GNG2: variants seen among roughly 807,000 people sequenced by gnomAD.
GNG2 encodes the protein guanine nucleotide-binding protein G(I)/G(S)/G(O) subunit gamma-2.
Under a neutral mutation model 5.5 loss-of-function variants are expected in GNG2, and 5 were observed. The ratio of observed to expected loss-of-function variants is 0.91; its 90% confidence interval spans 0.48 to 1.92. The LOEUF (loss-of-function observed/expected upper bound fraction) is 1.92. Ranked by LOEUF, GNG2 falls within the 30% of genes most tolerant of loss-of-function variation. The pLI is 0.01. For missense variants in GNG2, 55 were observed against 88.4 expected (o/e 0.62, Z 1.52); for synonymous variants, 28 against 32.0 (o/e 0.88, Z 0.42).
intron 1 of GNG2, among the ~76,000 whole-genome samples, chr14:51,827,047 G>A (rs1265447921): frequency 6.6e-6 from 1 of 152,162 alleles, no homozygotes; most frequent in African/African-American, 2.4e-5. Flanking sequence ...CACCCTTCAA[G>A]GTGGGCAGGT....
At chr14:51,942,469 C>T (rs1022810685) in intron 2 of GNG2, among the ~76,000 whole-genome samples, 2 of 152,068 alleles carry the variant, frequency 1.3e-5, no homozygotes, top group Non-Finnish European at 2.9e-5. Flanking sequence ...AGAGGCAGTA[C>T]CTTCCTGGTT....
intron 2 of GNG2, among the ~76,000 whole-genome samples, chr14:51,926,198 G>A (rs928540327): frequency 6.6e-6 from 1 of 151,838 alleles, no homozygotes; most frequent in South Asian, 2.1e-4. Flanking sequence ...TCTGTCTTCC[G>A]AAGTCTTCTG....
At chr14:51,945,632 T>C (rs914178867) in intron 2 of GNG2, among the ~76,000 whole-genome samples, 3 of 152,224 alleles carry the variant, frequency 2.0e-5, no homozygotes, top group Admixed American at 6.5e-5. Context: ...ACAGTATACG[T>C]GTATTTAATA....
intron 2 of GNG2, among the ~76,000 whole-genome samples, chr14:51,917,811 A>G (rs1451373182): frequency 1.3e-5 from 2 of 152,114 alleles, no homozygotes; most frequent in African/African-American, 2.4e-5. Context: ...TGGGCGGATC[A>G]CCTGAGGGGT....
At chr14:51,913,917 G>T (rs982948045) in intron 2 of GNG2, among the ~76,000 whole-genome samples, 8 of 152,112 alleles carry the variant, frequency 5.3e-5, no homozygotes, top group African/African-American at 1.9e-4. Flanking sequence ...ATGCATAAAA[G>T]TTACATATAT....
chr14:51,963,533 T>C (rs1288705702), intron 3 of GNG2, among the ~76,000 whole-genome samples: 2 of 152,220 alleles, frequency 1.3e-5, no homozygotes, highest in Non-Finnish European at 2.9e-5. Context: ...TGAAAGTCTG[T>C]CCTTTGTTTT....
At chr14:51,936,715 T>C (rs1594937364) in intron 2 of GNG2, among the ~76,000 whole-genome samples, 2 of 152,182 alleles carry the variant, frequency 1.3e-5, no homozygotes, top group East Asian at 3.9e-4. Context: ...CATGCCTGGC[T>C]AATTTTTTTT....
intron 2 of GNG2, among the ~76,000 whole-genome samples, chr14:51,929,889 T>C (rs1887552980): frequency 6.6e-6 from 1 of 152,192 alleles, no homozygotes; most frequent in Admixed American, 6.5e-5. Flanking sequence ...TCAGTGCCTC[T>C]AGAAAACTAT....
chr14:51,954,204 A>G (rs1319542173), intron 3 of GNG2, among the ~76,000 whole-genome samples: 1 of 152,128 alleles, frequency 6.6e-6, no homozygotes, highest in Non-Finnish European at 1.5e-5. Context: ...AAGTGAACCA[A>G]TTATCTGTTC....
At chr14:51,828,804 A>G (rs1397450140) in intron 2 of GNG2, among the ~76,000 whole-genome samples, 5 of 152,054 alleles carry the variant, frequency 3.3e-5, no homozygotes, top group South Asian at 2.1e-4. Context: ...TCCTGCCCCT[A>G]TAGCCCTGCC....
At chr14:51,871,159 T>G (rs1369264595) in intron 1 of GNG2, among the ~76,000 whole-genome samples, 1 of 152,164 alleles carries the variant, frequency 6.6e-6, no homozygotes, top group South Asian at 2.1e-4. Flanking sequence ...CCTTTGCCGT[T>G]TTTTTAAACC....
chr14:51,900,996 A>G (rs1222988333), intron 2 of GNG2, among the ~76,000 whole-genome samples: 1 of 152,200 alleles, frequency 6.6e-6, no homozygotes, highest in Non-Finnish European at 1.5e-5. Context: ...TTGACCATCT[A>G]AAATATTTGA....
At chr14:51,918,707 CG>C (rs1240281688) in intron 2 of GNG2, 2 of 152,132 alleles carry the variant, frequency 1.3e-5, no homozygotes, top group Non-Finnish European at 1.5e-5. Flanking sequence ...AAATAAACTA[CG>C]AACTTGCATC....
At chr14:51,932,028 C>T (rs1431169130) in intron 2 of GNG2, among the ~76,000 whole-genome samples, 6 of 151,746 alleles carry the variant, frequency 4.0e-5, no homozygotes, top group Non-Finnish European at 4.4e-5. Context: ...GGGTGGATCA[C>T]GAGGTCAGGA....
chr14:51,903,796 C>T (rs1885721064), intron 2 of GNG2, among the ~76,000 whole-genome samples: 1 of 152,158 alleles, frequency 6.6e-6, no homozygotes, highest in African/African-American at 2.4e-5. Flanking sequence ...AAAATGAAAA[C>T]CACCACCAAC....
At chr14:51,932,743 C>A (rs758406085) in intron 2 of GNG2, among the ~76,000 whole-genome samples, 63 of 152,126 alleles carry the variant, frequency 4.1e-4, no homozygotes, top group Non-Finnish European at 7.5e-4. Flanking sequence ...TTAAATACTG[C>A]TGGGAGGTTG....
intron 3 of GNG2, among the ~76,000 whole-genome samples, chr14:51,956,315 G>C (rs930205050): frequency 2.0e-4 from 31 of 152,294 alleles, no homozygotes; most frequent in Middle Eastern, 3.4e-3. Flanking sequence ...CAGAACTTGT[G>C]AGTAACCTGG....
At chr14:51,876,030 T>G (rs1260165755) in intron 1 of GNG2, among the ~76,000 whole-genome samples, 1 of 150,410 alleles carries the variant, frequency 6.6e-6, no homozygotes, top group East Asian at 2.0e-4. Flanking sequence ...CTCACTCTCC[T>G]GGGCTCAAGC....
intron 1 of GNG2, among the ~76,000 whole-genome samples, chr14:51,864,673 G>C (rs1243545812): frequency 3.3e-5 from 5 of 152,128 alleles, no homozygotes; most frequent in African/African-American, 1.2e-4. Context: ...CTCAGACCAG[G>C]CTACCACTAC....
Sources: allele counts gnomAD v4.1 joint callset (sites outside exome capture counted in the v4.1 genomes callset), GRCh38; gene constraint gnomAD v4.1.1; transcripts MANE v1.5; gene names NCBI Gene and HGNC (gene_info 2026-07-23, HGNC 2026-07-21).